The following C2orf80 variants were observed in gnomAD, a reference collection of about 807,000 sequenced individuals.
C2orf80 encodes the protein chromosome 2 open reading frame 80.
In C2orf80, 28 loss-of-function variants were observed where a neutral mutation model predicts 30.2. The observed-to-expected ratio is 0.93, with a 90% CI of 0.69 to 1.27. The LOEUF is 1.27. Among genes scored for constraint, C2orf80 ranks in the 50% most tolerant of loss-of-function variants. The pLI is 0.00. For synonymous variants in C2orf80, 80 were observed against 76.4 expected, an observed-to-expected ratio of 1.05 and a Z score of -0.24; for missense variants, 220 against 231.0, an observed-to-expected ratio of 0.95 and a Z score of 0.31.
chr2:208,188,927 G>A (rs779958362), intron 1 of C2orf80, among the ~76,000 whole-genome samples: 1 of 152,144 alleles, frequency 6.6e-6, no homozygotes, highest in South Asian at 2.1e-4. Flanking sequence ...AAGCCATAGA[G>A]GTGGCCCTAT....
At chr2:208,186,826 C>A (rs1473831657) in intron 2 of C2orf80, 120 bp downstream of exon 2, 3 of 898,416 alleles carry the variant, frequency 3.3e-6, no homozygotes, top group Non-Finnish European at 5.4e-6. Flanking sequence ...CTGGTTTTCT[C>A]CTACCATGCA....
At chr2:208,176,395 C>T (rs1158505008) in intron 6 of C2orf80, among the ~76,000 whole-genome samples, 3 of 152,156 alleles carry the variant, frequency 2.0e-5, no homozygotes, top group Non-Finnish European at 4.4e-5. Flanking sequence ...AGGCTGGCCT[C>T]GAACTCCTGA....
intron 8 of C2orf80, among the ~76,000 whole-genome samples, chr2:208,169,060 C>T (rs1696003781): frequency 6.6e-6 from 1 of 151,972 alleles, no homozygotes. Context: ...AAAAGATATG[C>T]TTCCATCAAG....
Position 208,176,971 on chromosome 2 carries a change from A to AGATCTG in C2orf80, c.366+3773_366+3774insCAGATC, listed in dbSNP as rs1559340642. On this transcript the variant is annotated intron_variant, in intron 6 of 8. Coordinates refer to ENST00000341287, the MANE Select transcript of C2orf80 (RefSeq NM_001099334.3). ...TACATATCTGTATACATATGTATAC[A>AGATCTG]TATATACAGAAATGTATATGTATAC... Among the ~76,000 whole-genome samples the AGATCTG allele has an allele frequency of 1.1e-3, 120 of 105,888 alleles. 10 individuals carry two copies. Among genetic ancestry groups the AGATCTG allele is most frequent in the Middle Eastern group, 0.015 (2 of 136 alleles). 69.5% of individuals were successfully genotyped at this position (105,888 alleles called of 152,430 possible).
chr2:208,189,588 G>A lies in C2orf80; in HGVS notation c.-76+365C>T, dbSNP rs138976184. Among the ~76,000 whole-genome samples the A allele has an allele frequency of 4.7e-3, 723 of 152,282 alleles. 6 individuals carry two copies. Among genetic ancestry groups the A allele is most frequent in the African/African-American group, 0.016 (677 of 41,530 alleles). On this transcript the variant is annotated intron_variant, in intron 1 of 8. Coordinates refer to ENST00000341287, the MANE Select transcript of C2orf80 (RefSeq NM_001099334.3). Reference sequence around the variant, plus strand: ...TGATTTATATGCATTTAGTAGCTACGCCTGGTCTAAAGAAGGCCATTTGCA... The same window carrying A: ...TGATTTATATGCATTTAGTAGCTACACCTGGTCTAAAGAAGGCCATTTGCA...
chr2:208,176,895 A>ATGTATACAGATCTGTATACATATG (rs369378571), intron 6 of C2orf80, among the ~76,000 whole-genome samples: 1 of 81,024 alleles, frequency 1.2e-5, no homozygotes, highest in African/African-American at 4.8e-5. Flanking sequence ...AGGTGTATAT[A>ATGTATACAGATCTGTATACATATG]TATACATATC....
chr2:208,178,872 C>G (rs1696456135), intron 6 of C2orf80, among the ~76,000 whole-genome samples: 1 of 152,108 alleles, frequency 6.6e-6, no homozygotes, highest in East Asian at 1.9e-4. Flanking sequence ...ATTATCCTGC[C>G]TCAGCCTCCC....
intron 1 of C2orf80, 166 bp downstream of exon 1, chr2:208,189,787 C>G (rs557659592): frequency 4.8e-6 from 3 of 628,384 alleles, no homozygotes; most frequent in Non-Finnish European, 8.4e-6. Context: ...AGAAACAATT[C>G]CCTAGAAGTC....
At chr2:208,174,173 C>T (rs1022020273) in intron 6 of C2orf80, among the ~76,000 whole-genome samples, 1 of 152,008 alleles carries the variant, frequency 6.6e-6, no homozygotes, top group Non-Finnish European at 1.5e-5. Flanking sequence ...AGGTTGGTCT[C>T]GAACTCCTGG....
chr2:208,177,043 T>TAC (rs1004249620), intron 6 of C2orf80, among the ~76,000 whole-genome samples: 78 of 73,462 alleles, frequency 1.1e-3, no homozygotes, highest in African/African-American at 3.8e-3. Context: ...AGTACACATA[T>TAC]ATACTATATA....
chr2:208,180,231 C>T (rs1359954298), intron 6 of C2orf80, among the ~76,000 whole-genome samples: 2 of 152,122 alleles, frequency 1.3e-5, no homozygotes, highest in Non-Finnish European at 2.9e-5. Flanking sequence ...AAGCAGATCA[C>T]TTGAGGCCAA....
At chr2:208,166,902 G>A (rs1416574135) in intron 8 of C2orf80, among the ~76,000 whole-genome samples, 1 of 151,936 alleles carries the variant, frequency 6.6e-6, no homozygotes, top group Non-Finnish European at 1.5e-5. Context: ...CGCCCGCCTC[G>A]GCTTCCCAAA....
At chr2:208,172,587 A>G (rs1696137715) in intron 6 of C2orf80, among the ~76,000 whole-genome samples, 1 of 152,196 alleles carries the variant, frequency 6.6e-6, no homozygotes, top group East Asian at 1.9e-4. Flanking sequence ...ATCAGGGGGA[A>G]TGCAAATTTA....
intron 8 of C2orf80, among the ~76,000 whole-genome samples, chr2:208,167,751 AT>A (rs1350609386): frequency 6.6e-6 from 1 of 151,544 alleles, no homozygotes; most frequent in Non-Finnish European, 1.5e-5. Context: ...TAATTTTTGT[AT>A]TTTTAGTAGA....
chr2:208,175,087 C>G (rs1366845411), intron 6 of C2orf80, among the ~76,000 whole-genome samples: 4 of 152,170 alleles, frequency 2.6e-5, no homozygotes, highest in Admixed American at 2.0e-4. Flanking sequence ...AGTTCAAAAC[C>G]AGCCCTGCCA....
intron 8 of C2orf80, among the ~76,000 whole-genome samples, chr2:208,167,453 C>G (rs1019687896): frequency 2.0e-5 from 3 of 151,742 alleles, no homozygotes; most frequent in Admixed American, 1.3e-4. Context: ...ACCCGGGAAG[C>G]AGAGGTTGCA....
At chr2:208,186,030 C>G (rs1696708746) in intron 2 of C2orf80, among the ~76,000 whole-genome samples, 1 of 152,054 alleles carries the variant, frequency 6.6e-6, no homozygotes, top group African/African-American at 2.4e-5. Flanking sequence ...AGGTAAGTTC[C>G]CTTCTTCCTT....
At position 208,190,007 on chromosome 2, in the gene C2orf80, T is replaced by C; in HGVS notation, c.-130A>G. The C allele has an allele frequency of 1.4e-6, 1 of 702,984 alleles. No homozygotes were observed. The highest frequency in any genetic ancestry group is 2.6e-6 in the Non-Finnish European group (1 of 384,980). 43.5% of individuals were successfully genotyped at this position (702,984 alleles called of 1,614,324 possible). ...TCTTTCTCTGCTTCTGGAGGCATGCTGAAGCATCCGCGCATCTCAGACTGG... is the reference window on the plus strand; with the variant it reads ...TCTTTCTCTGCTTCTGGAGGCATGCCGAAGCATCCGCGCATCTCAGACTGG... On this transcript the variant is annotated 5_prime_UTR_variant, in exon 1 of 9. Transcript: ENST00000341287.
chr2:208,177,076 T>C (rs965998303), intron 6 of C2orf80, among the ~76,000 whole-genome samples: 320 of 141,092 alleles, frequency 2.3e-3, no homozygotes, highest in African/African-American at 8.1e-3. Context: ...TATACGTATA[T>C]AGATAATGTA....
Sources: gnomAD v4.1 joint callset for allele counts (sites outside exome capture counted in the v4.1 genomes callset) on GRCh38, gnomAD v4.1.1 for gene constraint, MANE v1.5 for transcripts, NCBI Gene and HGNC (gene_info 2026-07-23, HGNC 2026-07-21) for gene names.